MALRD1: variants seen among roughly 807,000 people sequenced by gnomAD.
The protein encoded by MALRD1 is MAM and LDL-receptor class A domain-containing protein 1.
In MALRD1, 247 loss-of-function variants were observed where a neutral mutation model predicts 242.1. The observed-to-expected ratio is 1.02, with a 90% CI of 0.92 to 1.13. The LOEUF (loss-of-function observed/expected upper bound fraction) is 1.13. MALRD1 is among the 50% of genes most tolerant of loss of function. MALRD1 has a pLI of 0.00. For synonymous variants in MALRD1, 995 were observed against 866.6 expected, an observed-to-expected ratio of 1.15 and a Z score of -2.60; for missense variants, 2,989 against 2,533.1, an observed-to-expected ratio of 1.18 and a Z score of -3.86.
At chr10:19,368,730 T>C (rs902684857) in intron 26 of MALRD1, among the ~76,000 whole-genome samples, 3 of 151,926 alleles carry the variant, frequency 2.0e-5, no homozygotes, top group African/African-American at 7.3e-5. Flanking sequence ...CAATATTAAT[T>C]CTGCTCAGTG....
intron 2 of MALRD1, among the ~76,000 whole-genome samples, chr10:19,078,488 C>A (rs1334270907): frequency 1.3e-5 from 2 of 151,762 alleles, no homozygotes; most frequent in Non-Finnish European, 2.9e-5. Context: ...GTTTGCTTTT[C>A]TTGTGATGTC....
chr10:19,548,449 G>T (rs912001637), intron 32 of MALRD1, among the ~76,000 whole-genome samples: 1 of 151,744 alleles, frequency 6.6e-6, no homozygotes, highest in African/African-American at 2.4e-5. Flanking sequence ...AAAATTAATT[G>T]CACGCTTCTA....
At chr10:19,420,200 G>A (rs1161090118) in intron 28 of MALRD1, among the ~76,000 whole-genome samples, 1 of 152,094 alleles carries the variant, frequency 6.6e-6, no homozygotes, top group Non-Finnish European at 1.5e-5. Context: ...AACTAATTAT[G>A]ATTGGCTCAT....
intron 32 of MALRD1, among the ~76,000 whole-genome samples, chr10:19,548,453 G>A (rs747911134): frequency 2.6e-5 from 4 of 151,808 alleles, no homozygotes; most frequent in African/African-American, 4.8e-5. Context: ...TTAATTGCAC[G>A]CTTCTAACTT....
chr10:19,340,180 A>C (rs938132591), intron 24 of MALRD1, among the ~76,000 whole-genome samples: 16 of 152,142 alleles, frequency 1.1e-4, no homozygotes, highest in African/African-American at 3.9e-4. Flanking sequence ...GGGTTACATA[A>C]GATGTTTTGA....
chr10:19,588,439 G>A (rs1363170365), intron 33 of MALRD1, among the ~76,000 whole-genome samples: 2 of 152,118 alleles, frequency 1.3e-5, no homozygotes, highest in Admixed American at 1.3e-4. Flanking sequence ...AATATGATTT[G>A]GAGTGTCCAA....
At chr10:19,105,570 T>C (rs1481216128) in intron 5 of MALRD1, among the ~76,000 whole-genome samples, 1 of 152,020 alleles carries the variant, frequency 6.6e-6, no homozygotes, top group African/African-American at 2.4e-5. Flanking sequence ...TGCTGAGTCA[T>C]TTGGTACTTC....
intron 29 of MALRD1, among the ~76,000 whole-genome samples, chr10:19,452,982 G>A (rs1283388593): frequency 3.9e-5 from 6 of 152,032 alleles, no homozygotes; most frequent in Admixed American, 6.6e-5. Context: ...TTCATCATAC[G>A]TTTACATGAA....
chr10:19,211,141 A>C (rs1263001185), intron 18 of MALRD1, among the ~76,000 whole-genome samples: 1 of 152,098 alleles, frequency 6.6e-6, no homozygotes, highest in South Asian at 2.1e-4. Context: ...TTACTCAAGG[A>C]TTGGTTTCCA....
intron 14 of MALRD1, among the ~76,000 whole-genome samples, chr10:19,180,052 GA>G (rs1459100110): frequency 6.6e-6 from 1 of 152,090 alleles, no homozygotes; most frequent in African/African-American, 2.4e-5. Flanking sequence ...CTGTACTATT[GA>G]ACACAATTAA....
intron 24 of MALRD1, among the ~76,000 whole-genome samples, chr10:19,341,593 C>CAG (rs1469529517): frequency 1.3e-5 from 2 of 150,034 alleles, no homozygotes; most frequent in Non-Finnish European, 3.0e-5. Flanking sequence ...AACACTCACA[C>CAG]ACACACAGAT....
At chr10:19,491,788 C>T (rs773184224) in intron 30 of MALRD1, 143 bp downstream of exon 30, 1 of 868,710 alleles carries the variant, frequency 1.2e-6, no homozygotes, top group South Asian at 1.9e-5. Flanking sequence ...AATATTTCCC[C>T]AAATTTGTAT....
At chr10:19,050,371 G>A (rs1590358266) in intron 1 of MALRD1, among the ~76,000 whole-genome samples, 1 of 151,296 alleles carries the variant, frequency 6.6e-6, no homozygotes, top group East Asian at 2.0e-4. Flanking sequence ...ACAGGCGTGA[G>A]CCACCGCGCC....
At chr10:19,416,231 G>A (rs1204620979) in intron 28 of MALRD1, among the ~76,000 whole-genome samples, 1 of 152,150 alleles carries the variant, frequency 6.6e-6, no homozygotes, top group African/African-American at 2.4e-5. Context: ...GAGTTACAAG[G>A]AAGAGATCTG....
At chr10:19,575,498 C>A (rs1347293425) in intron 33 of MALRD1, among the ~76,000 whole-genome samples, 1 of 151,892 alleles carries the variant, frequency 6.6e-6, no homozygotes, top group Admixed American at 6.6e-5. Flanking sequence ...CACACACACA[C>A]ACACACACAC....
intron 13 of MALRD1, among the ~76,000 whole-genome samples, chr10:19,171,709 T>TACGTATATAC (rs1834970032): frequency 7.1e-6 from 1 of 140,496 alleles, no homozygotes; most frequent in African/African-American, 2.6e-5. Flanking sequence ...TGTGTATATA[T>TACGTATATAC]ACGTATATAC....
intron 33 of MALRD1, among the ~76,000 whole-genome samples, chr10:19,574,440 T>C (rs1836705634): frequency 1.3e-5 from 2 of 152,218 alleles, no homozygotes; most frequent in African/African-American, 4.8e-5. Context: ...TACTCACCAG[T>C]GACCTCAGCC....
intron 28 of MALRD1, among the ~76,000 whole-genome samples, chr10:19,417,960 C>T (rs974679511): frequency 1.3e-5 from 2 of 151,968 alleles, no homozygotes; most frequent in Non-Finnish European, 2.9e-5. Flanking sequence ...GGGGTTACAA[C>T]AGCAAACCAC....
chr10:19,314,534 C>T (rs1842556397), intron 21 of MALRD1, among the ~76,000 whole-genome samples: 1 of 151,562 alleles, frequency 6.6e-6, no homozygotes, highest in Non-Finnish European at 1.5e-5. Flanking sequence ...TGTCCGAATA[C>T]TTATGTAAAT....
Sources: gnomAD v4.1 joint callset for allele counts (sites outside exome capture counted in the v4.1 genomes callset) on GRCh38, gnomAD v4.1.1 for gene constraint, MANE v1.5 for transcripts, NCBI Gene and HGNC (gene_info 2026-07-23, HGNC 2026-07-21) for gene names.